ROCK2: variants seen among roughly 807,000 people sequenced by gnomAD.
ROCK2 encodes rho-associated protein kinase 2.
In ROCK2, 61 loss-of-function variants were observed where a neutral mutation model predicts 195.1. The ratio of observed to expected loss-of-function variants is 0.31; its 90% CI spans 0.25 to 0.39. The LOEUF is 0.39. Ranked by LOEUF, ROCK2 falls within the 10% of genes least tolerant of loss-of-function variation. The pLI, the probability that ROCK2 is intolerant of heterozygous loss-of-function variation, is 1.00. For synonymous variants in ROCK2, 504 were observed against 545.5 expected (o/e 0.92, Z 1.06); for missense variants, 1,109 against 1,637.4 (o/e 0.68, Z 5.57).
chr2:11,298,235 C>T (rs973514168), intron 1 of ROCK2, among the ~76,000 whole-genome samples: 15 of 152,082 alleles, frequency 9.9e-5, no homozygotes, highest in African/African-American at 2.4e-4. Flanking sequence ...TTTGGGAGGC[C>T]GTGGCAGGCA....
rs1267578717 is a variant in ROCK2 at position 11,201,816 on chromosome 2, C to T, written c.2619+236G>A. 6.6e-6 allele frequency among the ~76,000 whole-genome samples: 1 copy of T among 152,152 alleles called. No homozygotes were observed. Among genetic ancestry groups the T allele is most frequent in the Non-Finnish European group, 1.5e-5 (1 of 68,018 alleles). ...AACTATTAAAATGATAATTTTATTA[C>T]AATTTTATTTCTTGCATTATGAAAA... On this transcript the variant is annotated intron_variant, in intron 21 of 32. Transcript: ENST00000315872. The surrounding 1 kb of genome is among the most constrained non-coding windows in gnomAD (Gnocchi z 4.6).
intron 4 of ROCK2, among the ~76,000 whole-genome samples, chr2:11,239,820 G>A (rs1665359952): frequency 1.3e-5 from 2 of 152,190 alleles, no homozygotes; most frequent in Non-Finnish European, 1.5e-5. Context: ...GGGATCCCCA[G>A]GTTCCCTATA....
chr2:11,336,228 T>C (rs1668924531), intron 1 of ROCK2, among the ~76,000 whole-genome samples: 1 of 152,184 alleles, frequency 6.6e-6, no homozygotes, highest in South Asian at 2.1e-4. Flanking sequence ...GTCACTTCCC[T>C]CAGGTACAGA....
intron 1 of ROCK2, among the ~76,000 whole-genome samples, chr2:11,299,206 G>A (rs781780402): frequency 2.9e-4 from 44 of 151,442 alleles, no homozygotes; most frequent in Middle Eastern, 3.4e-3. Flanking sequence ...CCTGGGAGGC[G>A]GAGGTTGCAG....
Position 11,217,153 on chromosome 2 carries a change from T to C in ROCK2, c.1349A>G (p.Tyr450Cys). Reference sequence around the variant, plus strand: ...ATTGCTAAGATGTTCTTCTAATGTATACAGTTTTTTCTGAATCTGTCAAAA... The same window carrying C: ...ATTGCTAAGATGTTCTTCTAATGTACACAGTTTTTTCTGAATCTGTCAAAA... ...EESQEIQKKL[Y>C]TLEEHLSNEM... Residue 450 changes from tyrosine (Y) to cysteine (C), a missense_variant, in exon 12 of 33, where the codon TAT becomes TGT. Tyr to Cys is a radical substitution (Grantham distance 194, BLOSUM62 -2). This residue lies in a region of ROCK2 where 542 missense variants were observed against 672.0 expected (regional missense o/e 0.81). Transcript: ENST00000315872. 5 of 1,561,664 alleles carry C rather than the reference T, an allele frequency of 3.2e-6. No individual in the cohort carries two copies. In the Admixed American group the frequency reaches 6.7e-5, roughly 21 times the overall value.
chr2:11,254,524 A>G (rs774262609), intron 3 of ROCK2, among the ~76,000 whole-genome samples: 12 of 152,122 alleles, frequency 7.9e-5, no homozygotes, highest in Non-Finnish European at 1.8e-4. Flanking sequence ...TTAGAGACCA[A>G]CTGCTTTGGG....
chr2:11,213,780 T>A (rs1006933745), intron 17 of ROCK2, among the ~76,000 whole-genome samples: 5 of 152,086 alleles, frequency 3.3e-5, no homozygotes, highest in Non-Finnish European at 1.5e-5. Flanking sequence ...TGTCCATAAG[T>A]CTTATCATTC....
chr2:11,236,403 T>G (rs1665206166), intron 4 of ROCK2, among the ~76,000 whole-genome samples: 2 of 152,010 alleles, frequency 1.3e-5, no homozygotes. Context: ...AGATACTAGA[T>G]TCAACGGACA....
At chr2:11,287,128 G>A (rs1208254640) in intron 2 of ROCK2, among the ~76,000 whole-genome samples, 3 of 152,172 alleles carry the variant, frequency 2.0e-5, no homozygotes, top group Non-Finnish European at 4.4e-5. Flanking sequence ...TCAAAGTAAA[G>A]AGCTTACTGT....
At chr2:11,284,744 G>C (rs1354219073) in intron 3 of ROCK2, among the ~76,000 whole-genome samples, 3 of 152,190 alleles carry the variant, frequency 2.0e-5, no homozygotes, top group Admixed American at 6.5e-5. Flanking sequence ...CAAGGAAAAT[G>C]GTTCTTTAAT....
intron 3 of ROCK2, among the ~76,000 whole-genome samples, chr2:11,272,121 T>G (rs2148167106): frequency 6.6e-6 from 1 of 152,110 alleles, no homozygotes; most frequent in East Asian, 1.9e-4. Context: ...TTTGACTGGG[T>G]TTTTTGGTTG....
chr2:11,286,533 T>C lies in ROCK2; in HGVS notation c.324+6A>G, dbSNP rs772144132. ...AGAGAACAATAAGAACAAAACACTT[T>C]CTTACCAACTGCACTTCACCAAAAG... On this transcript the variant is annotated splice_donor_region_variant and intron_variant, in intron 3 of 32. Transcript: ENST00000315872. 175 of 1,559,632 alleles carry C rather than the reference T, an allele frequency of 1.1e-4. No individual in the cohort carries two copies. Among genetic ancestry groups the C allele is most frequent in the Non-Finnish European group, 1.5e-4 (167 of 1,131,254 alleles).
At chr2:11,220,616 T>G (rs73175665) in intron 9 of ROCK2, among the ~76,000 whole-genome samples, 1,684 of 152,342 alleles carry the variant, frequency 0.011, 31 homozygotes, top group African/African-American at 0.038. Context: ...TGCTCTATGT[T>G]TGAGTGCTAC....
intron 5 of ROCK2, among the ~76,000 whole-genome samples, chr2:11,230,896 G>A (rs1019964689): frequency 1.3e-5 from 2 of 152,036 alleles, no homozygotes; most frequent in South Asian, 2.1e-4. Flanking sequence ...CAGAATCACT[G>A]AATGCTTCTG....
intron 1 of ROCK2, among the ~76,000 whole-genome samples, chr2:11,326,034 G>C (rs1390988384): frequency 6.6e-6 from 1 of 152,108 alleles, no homozygotes; most frequent in South Asian, 2.1e-4. Flanking sequence ...TGGAGCAATA[G>C]GGGAAAAAAG....
chr2:11,282,875 G>T (rs975862816), intron 3 of ROCK2, among the ~76,000 whole-genome samples: 1 of 151,782 alleles, frequency 6.6e-6, no homozygotes, highest in Non-Finnish European at 1.5e-5. Context: ...TTATCCAAAA[G>T]AATTTGTTAT....
intron 1 of ROCK2, among the ~76,000 whole-genome samples, chr2:11,316,252 G>T (rs1284085427): frequency 6.6e-6 from 1 of 152,108 alleles, no homozygotes; most frequent in Non-Finnish European, 1.5e-5. Flanking sequence ...GGAGGTGATG[G>T]ATAGGCCTTA....
At chr2:11,214,304 A>G (rs1664348959) in intron 17 of ROCK2, 53 bp downstream of exon 17, 1 of 1,003,860 alleles carries the variant, frequency 1.0e-6, no homozygotes, top group Non-Finnish European at 1.5e-6. Context: ...AACTTTTCTA[A>G]CCTGAAAGTC....
chr2:11,202,979 C>A (rs1408974726), intron 20 of ROCK2, among the ~76,000 whole-genome samples: 1 of 152,086 alleles, frequency 6.6e-6, no homozygotes, highest in Non-Finnish European at 1.5e-5. Flanking sequence ...TGGGAGGGGG[C>A]TTCTGGGGAG....
Sources: allele counts gnomAD v4.1 joint callset (sites outside exome capture counted in the v4.1 genomes callset), GRCh38; gene constraint gnomAD v4.1.1; regional missense constraint gnomAD v4.1.1; non-coding constraint Gnocchi (gnomAD v3.1); transcripts MANE v1.5; gene names NCBI Gene and HGNC (gene_info 2026-07-23, HGNC 2026-07-21).